The following EMILIN2 variants were observed in gnomAD, a reference collection of about 807,000 sequenced individuals.
EMILIN2 encodes the protein EMILIN-2.
Under a neutral mutation model 87.1 loss-of-function variants are expected in EMILIN2, and 71 were observed. The ratio of observed to expected loss-of-function variants is 0.82; its 90% CI spans 0.67 to 0.99. EMILIN2 has a LOEUF of 0.99. EMILIN2 is among the 50% of genes least tolerant of loss of function. EMILIN2 has a pLI of 0.00. For synonymous variants in EMILIN2, 581 were observed against 563.4 expected (o/e 1.03, Z -0.44); for missense variants, 1,407 against 1,371.8 (o/e 1.03, Z -0.40).
Position 2,899,557 on chromosome 18 carries a change from T to G in EMILIN2, c.2359+7071T>G, listed in dbSNP as rs145367304. Among the ~76,000 whole-genome samples, 1,520 of 152,220 alleles carry G rather than the reference T, an allele frequency of 1.0e-2. 32 individuals carry two copies. Among genetic ancestry groups the G allele is most frequent in the African/African-American group, 0.034 (1,430 of 41,518 alleles). ...TCTTGCTCTGTCACCCAGGCTGGAG[T>G]GCAGTGGCACAATCTCGGCTCACTG... is the stretch of plus-strand genomic sequence containing the variant. On this transcript the variant is annotated intron_variant, in intron 4 of 7. Coordinates refer to ENST00000254528, the MANE Select transcript of EMILIN2 (RefSeq NM_032048.3).
In EMILIN2 at chr18:2,880,275, CT is replaced by C. The variant is rs199731215; in HGVS notation, c.258-4679del. On this transcript the variant is annotated intron_variant, in intron 2 of 7. Coordinates refer to ENST00000254528, the MANE Select transcript of EMILIN2 (RefSeq NM_032048.3). This position sits in a 1 kb window ranked among gnomAD's most constrained non-coding sequence, Gnocchi z 4.1. ...GGACGCTGACACAACTTTTCCAGGACTTTTTTTTTTGACACCTTCCTTCTCA... is the reference window on the plus strand; with the variant it reads ...GGACGCTGACACAACTTTTCCAGGACTTTTTTTTTGACACCTTCCTTCTCA... 1.3e-4 allele frequency among the ~76,000 whole-genome samples: 19 copies of C among 149,606 alleles called. No homozygotes were observed. The highest frequency in any genetic ancestry group is 4.7e-4 in the Admixed American group (7 of 14,988).
At chr18:2,854,103 C>T (rs959817367) in intron 2 of EMILIN2, among the ~76,000 whole-genome samples, 2 of 152,132 alleles carry the variant, frequency 1.3e-5, no homozygotes, top group African/African-American at 4.8e-5. Context: ...CCTCTGAGTT[C>T]ACTTTGCCTC....
At chr18:2,902,979 C>T (rs1051098681) in intron 4 of EMILIN2, among the ~76,000 whole-genome samples, 5 of 152,094 alleles carry the variant, frequency 3.3e-5, no homozygotes, top group African/African-American at 1.2e-4. Flanking sequence ...TTTGGGTGGC[C>T]TGTGCTTTGC....
At chr18:2,884,317 T>C (rs1236247997) in intron 2 of EMILIN2, among the ~76,000 whole-genome samples, 2 of 152,106 alleles carry the variant, frequency 1.3e-5, no homozygotes, top group African/African-American at 4.8e-5. Context: ...AATGGCGTGA[T>C]CTCAGCTCAC....
intron 4 of EMILIN2, among the ~76,000 whole-genome samples, chr18:2,905,871 G>A (rs1469449852): frequency 6.6e-6 from 1 of 150,492 alleles, no homozygotes. Flanking sequence ...TGATCCGGCC[G>A]CGTCGGCCTC....
At chr18:2,911,788 G>GC (rs1414633363) in intron 7 of EMILIN2, among the ~76,000 whole-genome samples, 3 of 152,188 alleles carry the variant, frequency 2.0e-5, no homozygotes, top group Admixed American at 6.5e-5. Context: ...CTCTTGTCTT[G>GC]CATGGAGCAG....
intron 7 of EMILIN2, among the ~76,000 whole-genome samples, chr18:2,912,421 C>G (rs2076945707): frequency 6.6e-6 from 1 of 152,200 alleles, no homozygotes; most frequent in Admixed American, 6.5e-5. Flanking sequence ...CCGATGTCTG[C>G]TGCGGAGCCC....
chr18:2,897,567 T>TA (rs1364001844), intron 4 of EMILIN2, among the ~76,000 whole-genome samples: 1 of 152,150 alleles, frequency 6.6e-6, no homozygotes. Flanking sequence ...ATAGACAGTA[T>TA]AAAAAGCCTT....
intron 4 of EMILIN2, among the ~76,000 whole-genome samples, chr18:2,893,486 C>T (rs1270549261): frequency 1.3e-5 from 2 of 152,132 alleles, no homozygotes; most frequent in Non-Finnish European, 2.9e-5. Context: ...GCTGGCTACA[C>T]CTTAGGCACT....
intron 7 of EMILIN2, among the ~76,000 whole-genome samples, chr18:2,911,846 C>A (rs537384821): frequency 1.3e-5 from 2 of 152,052 alleles, no homozygotes; most frequent in Non-Finnish European, 2.9e-5. Context: ...TCACCACAGG[C>A]GACTCTGAAC....
intron 4 of EMILIN2, chr18:2,906,088 C>T (rs7231822): frequency 0.53 from 80,421 of 152,038 alleles, 22,312 homozygotes; most frequent in African/African-American, 0.69. Context: ...GCGAGCGGGT[C>T]CCTCAGCCAG....
At chr18:2,887,311 A>T (rs1259287561) in intron 3 of EMILIN2, among the ~76,000 whole-genome samples, 2 of 151,998 alleles carry the variant, frequency 1.3e-5, no homozygotes, top group African/African-American at 4.8e-5. Flanking sequence ...GGATTTTAGG[A>T]AGGAGTAAAA....
At position 2,890,543 on chromosome 18, in the gene EMILIN2, A is replaced by G. The variant is rs745871694; in HGVS notation, c.434-18A>G. ...GGTAGAAAATGTTCATTCATGTCCA[A>G]CTTTATCTTTGTAACAGATAATGAA... On this transcript the variant is annotated intron_variant, in intron 3 of 7. Coordinates refer to ENST00000254528, the MANE Select transcript of EMILIN2 (RefSeq NM_032048.3). The surrounding 1 kb of genome is among the most constrained non-coding windows in gnomAD (Gnocchi z 4.7). The G allele has an allele frequency of 6.5e-7, 1 of 1,533,524 alleles. No homozygotes were observed. Among genetic ancestry groups the G allele is most frequent in the Non-Finnish European group, 8.8e-7 (1 of 1,139,650 alleles). The allele number at this position is 1,533,524 out of a possible 1,614,324, so 95.0% of individuals were successfully genotyped here.
intron 7 of EMILIN2, among the ~76,000 whole-genome samples, chr18:2,912,214 G>GT (rs2076944578): frequency 1.3e-5 from 2 of 150,574 alleles, no homozygotes; most frequent in African/African-American, 5.0e-5. Flanking sequence ...AATTTTTTTT[G>GT]TATTTTTAGT....
chr18:2,857,459 T>C (rs2076633518), intron 2 of EMILIN2, among the ~76,000 whole-genome samples: 1 of 152,156 alleles, frequency 6.6e-6, no homozygotes, highest in East Asian at 1.9e-4. Flanking sequence ...TGTGAGAGGA[T>C]AATGAGGTAA....
upstream of EMILIN2, chr18:2,846,778 G>A (rs965151435): frequency 6.1e-6 from 6 of 985,322 alleles, no homozygotes; most frequent in African/African-American, 1.0e-4. The surrounding 1 kb of genome is among the most constrained non-coding windows in gnomAD (Gnocchi z 5.3). Flanking sequence ...TCTGGGAAGA[G>A]ACCAAAGGAA....
At chr18:2,889,124 C>CTTTT (rs1555668457) in intron 3 of EMILIN2, among the ~76,000 whole-genome samples, 1 of 115,738 alleles carries the variant, frequency 8.6e-6, no homozygotes, top group Non-Finnish European at 1.8e-5. Flanking sequence ...CTTTTCATTT[C>CTTTT]TTTCTTTTCT....
At chr18:2,913,026 A>G (rs780183296) in intron 7 of EMILIN2, 41 bp from the exon 8 acceptor site, 60 of 1,595,318 alleles carry the variant, frequency 3.8e-5, no homozygotes, top group Admixed American at 3.2e-4. Context: ...AAGGGCTGTG[A>G]CGACAGCAGG....
chr18:2,912,791 C>G (rs2076947443), intron 7 of EMILIN2, among the ~76,000 whole-genome samples: 1 of 152,194 alleles, frequency 6.6e-6, no homozygotes, highest in East Asian at 1.9e-4. Context: ...AGCTTTGAGG[C>G]TGACTTTAGC....
Sources: allele counts gnomAD v4.1 joint callset (sites outside exome capture counted in the v4.1 genomes callset), GRCh38; gene constraint gnomAD v4.1.1; non-coding constraint Gnocchi (gnomAD v3.1); transcripts MANE v1.5; gene names NCBI Gene and HGNC (gene_info 2026-07-23, HGNC 2026-07-21).